METTL15: variants seen among roughly 807,000 people sequenced by gnomAD.
The protein encoded by METTL15 is 12S rRNA N(4)-cytidine methyltransferase METTL15.
A neutral mutation model predicts 38.3 loss-of-function variants in METTL15; 34 were observed. The ratio of observed to expected loss-of-function variants is 0.89; its 90% CI spans 0.68 to 1.18. The LOEUF is 1.18. Ranked by LOEUF, METTL15 falls within the 50% of genes most tolerant of loss-of-function variation. The probability of loss-of-function intolerance (pLI) is 0.00; values close to 1 mark genes in which losing one functional copy is unlikely to be tolerated. For missense variants in METTL15, 438 were observed against 498.4 expected (o/e 0.88, Z 1.15); for synonymous variants, 162 against 170.9 (o/e 0.95, Z 0.41).
At chr11:28,237,848 T>TG (rs1854078360) in intron 4 of METTL15, among the ~76,000 whole-genome samples, 1 of 152,220 alleles carries the variant, frequency 6.6e-6, no homozygotes, top group Non-Finnish European at 1.5e-5. Context: ...GCAGGTCTGT[T>TG]GGAGTTTGCT....
chr11:28,423,380 G>T (rs1850838050), intron 5 of METTL15, among the ~76,000 whole-genome samples: 2 of 151,790 alleles, frequency 1.3e-5, no homozygotes, highest in Non-Finnish European at 2.9e-5. Context: ...TCAATGTATT[G>T]AATGAAGAGA....
chr11:28,294,331 C>G (rs1430362250), intron 5 of METTL15, among the ~76,000 whole-genome samples: 1 of 152,144 alleles, frequency 6.6e-6, no homozygotes, highest in Non-Finnish European at 1.5e-5. Context: ...TATATGTTTG[C>G]CTTGGCTAAT....
At chr11:28,215,025 G>A (rs551711279) in intron 4 of METTL15, among the ~76,000 whole-genome samples, 1 of 152,244 alleles carries the variant, frequency 6.6e-6, no homozygotes, top group South Asian at 2.1e-4. Flanking sequence ...TCAGAAAGAA[G>A]ATGCAAAGAT....
intron 2 of METTL15, among the ~76,000 whole-genome samples, chr11:28,111,025 A>G (rs1434488642): frequency 1.3e-5 from 2 of 152,206 alleles, no homozygotes; most frequent in Admixed American, 1.3e-4. Flanking sequence ...ACTGGGCTCC[A>G]AAAGAGAAGA....
intron 6 of METTL15, among the ~76,000 whole-genome samples, chr11:28,326,528 A>T (rs1338256446): frequency 6.6e-6 from 1 of 151,828 alleles, no homozygotes; most frequent in African/African-American, 2.4e-5. Context: ...TTGCCAGTCG[A>T]TGTTTTGTTC....
intron 4 of METTL15, among the ~76,000 whole-genome samples, chr11:28,249,451 A>G (rs1036642120): frequency 4.6e-5 from 7 of 151,974 alleles, no homozygotes; most frequent in Admixed American, 2.0e-4. Flanking sequence ...ACCCGATACT[A>G]TATTATAATA....
chr11:28,528,082 C>G (rs1274643987), downstream of METTL15, among the ~76,000 whole-genome samples: 1 of 152,194 alleles, frequency 6.6e-6, no homozygotes, highest in Non-Finnish European at 1.5e-5. Context: ...ATTTCCCATT[C>G]TCTGCCTATA....
At chr11:28,374,159 G>A (rs1379999244) in intron 5 of METTL15, among the ~76,000 whole-genome samples, 1 of 152,010 alleles carries the variant, frequency 6.6e-6, no homozygotes, top group Non-Finnish European at 1.5e-5. Flanking sequence ...GCTCTTTTTT[G>A]GTTCCGTATG....
At chr11:28,174,833 T>C (rs1208663530) in intron 3 of METTL15, among the ~76,000 whole-genome samples, 2 of 140,546 alleles carry the variant, frequency 1.4e-5, no homozygotes, top group African/African-American at 5.1e-5. Flanking sequence ...AAAAAAAACA[T>C]AAAAAAGCAA....
intron 5 of METTL15, among the ~76,000 whole-genome samples, chr11:28,417,143 C>T (rs1475117422): frequency 6.6e-6 from 1 of 152,056 alleles, no homozygotes; most frequent in African/African-American, 2.4e-5. Context: ...TTTATATCTT[C>T]CATGGTTATG....
At position 28,505,706 on chromosome 11, in the gene METTL15, G is replaced by A. The variant is rs115419711; in HGVS notation, c.*425-20772G>A. On this transcript the variant is annotated intron_variant and NMD_transcript_variant, in intron 6 of 7. Transcript: ENST00000532947. The stretch of plus-strand genomic sequence containing the variant: ...CATCTGGAAATCGCTGGTAGTTGCT[G>A]GTACATGTTGGATACTTAATTTAGT... 5.1e-3 allele frequency among the ~76,000 whole-genome samples: 784 copies of A among 152,256 alleles called. 7 individuals carry two copies. Among genetic ancestry groups the A allele is most frequent in the African/African-American group, 0.018 (728 of 41,552 alleles).
chr11:28,422,109 ATAAC>A (rs920472283), intron 5 of METTL15, among the ~76,000 whole-genome samples: 1 of 152,076 alleles, frequency 6.6e-6, no homozygotes, highest in Non-Finnish European at 1.5e-5. Flanking sequence ...ATAAAATTAA[ATAAC>A]TAGGAATTCA....
chr11:28,316,067 A>G (rs993623758), intron 6 of METTL15, among the ~76,000 whole-genome samples: 5 of 152,234 alleles, frequency 3.3e-5, no homozygotes, highest in African/African-American at 9.6e-5. Flanking sequence ...CACTTAGTTC[A>G]GCTTTGAGAA....
intron 6 of METTL15, among the ~76,000 whole-genome samples, chr11:28,509,024 C>G (rs1292814497): frequency 3.3e-5 from 5 of 152,150 alleles, no homozygotes; most frequent in Non-Finnish European, 7.3e-5. Flanking sequence ...TCTAAATTTC[C>G]TGGGCCTCCT....
At position 28,194,174 on chromosome 11, in the gene METTL15, T is replaced by TTCTTTCTTTCTTTC. The variant is rs1191633285; in HGVS notation, c.271-16887_271-16886insCTTTCTTTCTTTCT. 2.4e-4 allele frequency among the ~76,000 whole-genome samples: 13 copies of TTCTTTCTTTCTTTC among 54,312 alleles called. No individual in the cohort carries two copies. The East Asian group carries it at 3.7e-3, about 16-fold the overall frequency. The allele number at this position is 54,312 out of a possible 152,430, so 35.6% of individuals were successfully genotyped here. A position where few individuals can be genotyped will look rare whatever the true frequency, so the allele number is the denominator to read the frequency against. ...TTTCTTTCTTTCTTTCTTTCTTTCTTTTTCTCTCTCTCTCTCTCCTCTCTC... is the reference window on the plus strand; with the variant it reads ...TTTCTTTCTTTCTTTCTTTCTTTCTTTCTTTCTTTCTTTCTTTCTCTCTCTCTCTCTCCTCTCTC... On this transcript the variant is annotated intron_variant, in intron 3 of 6. Transcript: ENST00000407364.
intron 4 of METTL15, among the ~76,000 whole-genome samples, chr11:28,353,899 T>C (rs368859611): frequency 3.0e-5 from 4 of 132,280 alleles, no homozygotes; most frequent in East Asian, 4.5e-4. Flanking sequence ...CAGTCCGCAG[T>C]CCGGCCTGGG....
intron 6 of METTL15, among the ~76,000 whole-genome samples, chr11:28,424,687 G>A (rs922779747): frequency 5.3e-5 from 8 of 152,262 alleles, no homozygotes; most frequent in African/African-American, 1.7e-4. Flanking sequence ...GTTTAGTGTT[G>A]GGAGAGAGCC....
chr11:28,311,120 T>G (rs1857287803), intron 6 of METTL15, among the ~76,000 whole-genome samples: 1 of 152,094 alleles, frequency 6.6e-6, no homozygotes, highest in Non-Finnish European at 1.5e-5. Flanking sequence ...CTCTTGGCAA[T>G]GTGGCATGGC....
At chr11:28,396,250 C>T (rs189488664) in intron 5 of METTL15, among the ~76,000 whole-genome samples, 1 of 152,074 alleles carries the variant, frequency 6.6e-6, no homozygotes, top group African/African-American at 2.4e-5. Flanking sequence ...CCAGGGCAAT[C>T]AGGCAGGAGA....
Sources: allele counts gnomAD v4.1 joint callset (sites outside exome capture counted in the v4.1 genomes callset), GRCh38; gene constraint gnomAD v4.1.1; transcripts MANE v1.5; gene names NCBI Gene and HGNC (gene_info 2026-07-23, HGNC 2026-07-21).